PACRG: variants seen among roughly 807,000 people sequenced by gnomAD.
The protein encoded by PACRG is parkin coregulated, also known as parkin coregulated gene protein.
Under a neutral mutation model 29.7 loss-of-function variants are expected in PACRG, and 29 were observed. That is an observed-to-expected ratio of 0.98 (90% CI 0.73 to 1.33). PACRG has a LOEUF of 1.33. PACRG is among the 40% of genes most tolerant of loss of function. PACRG has a pLI of 0.00. For synonymous variants in PACRG, 116 were observed against 118.7 expected (o/e 0.98, Z 0.15); for missense variants, 279 against 316.2 (o/e 0.88, Z 0.89).
At chr6:163,188,346 C>T (rs1780050213) in intron 4 of PACRG, among the ~76,000 whole-genome samples, 2 of 152,176 alleles carry the variant, frequency 1.3e-5, no homozygotes, top group African/African-American at 4.8e-5. Flanking sequence ...AAAACCTGTA[C>T]CTGATCAAAA....
intron 4 of PACRG, among the ~76,000 whole-genome samples, chr6:163,160,943 C>A (rs1476984187): frequency 6.6e-6 from 1 of 152,114 alleles, no homozygotes; most frequent in Non-Finnish European, 1.5e-5. Context: ...ATTTTATTTG[C>A]TCACAAGCAC....
At chr6:163,152,354 T>G (rs1003148678) in intron 4 of PACRG, among the ~76,000 whole-genome samples, 2 of 152,212 alleles carry the variant, frequency 1.3e-5, no homozygotes, top group African/African-American at 4.8e-5. Flanking sequence ...TCCTGTTACA[T>G]CTGGGGTCTT....
chr6:163,174,634 A>G (rs1779258557), intron 4 of PACRG, among the ~76,000 whole-genome samples: 1 of 152,134 alleles, frequency 6.6e-6, no homozygotes, highest in Non-Finnish European at 1.5e-5. Flanking sequence ...AGAATCCCAG[A>G]CTCGTACAGA....
intron 4 of PACRG, among the ~76,000 whole-genome samples, chr6:163,291,770 C>T (rs1478197691): frequency 6.6e-6 from 1 of 152,184 alleles, no homozygotes; most frequent in African/African-American, 2.4e-5. Context: ...CACAGATTTT[C>T]ATAAGCAGAG....
intron 4 of PACRG, chr6:163,179,200 G>A (rs1031809732): frequency 1.1e-5 from 5 of 455,810 alleles, no homozygotes; most frequent in African/African-American, 2.0e-5. Flanking sequence ...CCTCACATGT[G>A]CGTCTTATCT....
intron 4 of PACRG, chr6:163,244,815 A>C (rs947385873): frequency 7.7e-6 from 2 of 261,012 alleles, no homozygotes; most frequent in Non-Finnish European, 1.5e-5. Flanking sequence ...TAATGGTGCC[A>C]GAACATGAGA....
At chr6:162,947,189 G>T (rs1215202007) in intron 2 of PACRG, among the ~76,000 whole-genome samples, 1 of 149,546 alleles carries the variant, frequency 6.7e-6, no homozygotes, top group Non-Finnish European at 1.5e-5. Flanking sequence ...CCTCTTTCCA[G>T]ATGACATGTA....
intron 2 of PACRG, among the ~76,000 whole-genome samples, chr6:163,029,777 G>C (rs1585041903): frequency 6.6e-6 from 1 of 152,288 alleles, no homozygotes; most frequent in Non-Finnish European, 1.5e-5. Flanking sequence ...TCGGAGCAGA[G>C]GGTACTTGAT....
chr6:162,863,454 G>A (rs1346883186), intron 2 of PACRG, among the ~76,000 whole-genome samples: 1 of 152,174 alleles, frequency 6.6e-6, no homozygotes, highest in Non-Finnish European at 1.5e-5. Context: ...GAACATGTGG[G>A]CAAATGCATC....
chr6:163,165,844 G>A (rs1015209297), intron 4 of PACRG: 1 of 341,410 alleles, frequency 2.9e-6, no homozygotes, highest in African/African-American at 2.2e-5. Flanking sequence ...GCCTCATTTA[G>A]GACAGTGAAG....
rs138193429 is a variant in PACRG at position 163,029,095 on chromosome 6, G to A, written c.292-33055G>A. ...CTCAGTTAGAGAGAGGAGATGTAAC[G>A]GTGGAGGCAGAGGTTGAGTGGTGTG... On this transcript the variant is annotated intron_variant, in intron 2 of 4. Transcript: ENST00000366888. Among the ~76,000 whole-genome samples, 89 of 152,282 alleles carry A rather than the reference G, an allele frequency of 5.8e-4. 3 individuals carry two copies. In the East Asian group the frequency reaches 0.017, roughly 29 times the overall value.
chr6:162,971,106 C>T (rs1801494829), intron 2 of PACRG, among the ~76,000 whole-genome samples: 1 of 152,230 alleles, frequency 6.6e-6, no homozygotes, highest in Admixed American at 6.5e-5. Context: ...GACCTCTCTT[C>T]ACTGTCACAG....
intron 4 of PACRG, among the ~76,000 whole-genome samples, chr6:163,163,290 G>A (rs1371831317): frequency 1.3e-5 from 2 of 151,716 alleles, no homozygotes; most frequent in Non-Finnish European, 2.9e-5. Flanking sequence ...TTTTCTTTTC[G>A]AGACAGAGTC....
At chr6:163,274,861 C>CTTTTTTTTTTTTTTTTTTTTTTTTTT (rs58333018) in intron 4 of PACRG, among the ~76,000 whole-genome samples, 3 of 126,324 alleles carry the variant, frequency 2.4e-5, no homozygotes, top group Non-Finnish European at 4.8e-5. Flanking sequence ...TTCTTTCTTT[C>CTTTTTTTTTTTTTTTTTTTTTTTTTT]TTTTTTTTTT....
At chr6:163,042,055 G>A (rs1281144108) in intron 2 of PACRG, among the ~76,000 whole-genome samples, 1 of 152,132 alleles carries the variant, frequency 6.6e-6, no homozygotes, top group African/African-American at 2.4e-5. Flanking sequence ...AGTAGAGACG[G>A]GGTTTCTCCA....
intron 1 of PACRG, among the ~76,000 whole-genome samples, chr6:162,758,306 G>A (rs1056608998): frequency 6.6e-6 from 1 of 152,016 alleles, no homozygotes; most frequent in African/African-American, 2.4e-5. Flanking sequence ...ATATATATAT[G>A]TCACACAGCT....
intron 4 of PACRG, among the ~76,000 whole-genome samples, chr6:163,156,462 T>G (rs907453338): frequency 6.6e-6 from 1 of 151,916 alleles, no homozygotes; most frequent in Non-Finnish European, 1.5e-5. Context: ...ATCTGAGCGG[T>G]CTCCCTACGA....
intron 2 of PACRG, among the ~76,000 whole-genome samples, chr6:163,040,398 A>T (rs1585064351): frequency 6.6e-6 from 1 of 152,362 alleles, no homozygotes; most frequent in East Asian, 1.9e-4. Context: ...GAAATGTGGC[A>T]TTGGAGCCCC....
intron 2 of PACRG, among the ~76,000 whole-genome samples, chr6:163,000,720 A>C (rs951519632): frequency 6.6e-6 from 1 of 152,218 alleles, no homozygotes; most frequent in Non-Finnish European, 1.5e-5. Flanking sequence ...TTCATATCAC[A>C]GTACACAGCA....
Sources: gnomAD v4.1 joint callset for allele counts (sites outside exome capture counted in the v4.1 genomes callset) on GRCh38, gnomAD v4.1.1 for gene constraint, MANE v1.5 for transcripts, NCBI Gene and HGNC (gene_info 2026-07-23, HGNC 2026-07-21) for gene names.